Variants in RBBP6 observed in about 807,000 individuals in gnomAD.
RBBP6 encodes the protein E3 ubiquitin-protein ligase RBBP6.
In RBBP6, 25 loss-of-function variants were observed where a neutral mutation model predicts 167.7. The observed-to-expected ratio is 0.15, with a 90% CI of 0.11 to 0.21. The LOEUF is 0.21. Ranked by LOEUF, RBBP6 falls within the 10% of genes least tolerant of loss-of-function variation. The pLI, the probability that RBBP6 is intolerant of heterozygous loss-of-function variation, is 1.00. For synonymous variants in RBBP6, 789 were observed against 735.8 expected (o/e 1.07, Z -1.17); for missense variants, 1,868 against 2,134.2 (o/e 0.88, Z 2.46).
Position 24,568,913 on chromosome 16 carries a change from C to T in RBBP6, c.2223C>T (p.Ser741=), listed in dbSNP as rs1194756568. 1.9e-6 allele frequency: 3 copies of T among 1,614,230 alleles called. No homozygotes were observed. The highest frequency in any genetic ancestry group is 2.5e-6 in the Non-Finnish European group (3 of 1,180,044). ...ACCCCAGAAGAGGCAGAGGCAAGAG[C>T]CGCAATTACCGTTCACGGTCTAGAT... is the stretch of plus-strand genomic sequence containing the variant. ...PPYPRRGRGK[S]RNYRSRSRSH... is the part of the protein sequence containing the mutation. The change falls in exon 17 of 18, where the codon AGC becomes AGT. Residue 741 remains serine (S), a synonymous_variant. Coordinates refer to ENST00000319715, the MANE Select transcript of RBBP6 (RefSeq NM_006910.5).
rs767150389 is a variant in RBBP6, at chr16:24,569,465, A to G, written c.2775A>G (p.Pro925=). The change falls in exon 17 of 18, where the codon CCA becomes CCG. Residue 925 remains proline (P), a synonymous_variant. Transcript: ENST00000319715. ...AAGAGAAGGAGAGTGAAAACGCTCC[A>G]GGAGATGGTAAAGGAAATAAGCATA... ...KSKEKESENA[P]GDGKGNKHKK... is the part of the protein sequence containing the mutation. 3.1e-6 allele frequency: 5 copies of G among 1,612,000 alleles called. No individual in the cohort carries two copies. Among genetic ancestry groups the G allele is most frequent in the Non-Finnish European group, 3.4e-6 (4 of 1,179,536 alleles).
Position 24,569,244 on chromosome 16 carries a change from A to G in RBBP6, c.2554A>G (p.Arg852Gly), listed in dbSNP as rs1172938499. ...YKGYAAGAQP[R>G]PSANRENFSP... ...AGGTTATGCTGCTGGAGCACAGCCT[A>G]GACCCTCAGCAAATAGAGAGAACTT... The change falls in exon 17 of 18, where the codon AGA becomes GGA. Residue 852 changes from arginine to glycine, a missense_variant. This residue lies in a region of RBBP6 where 673 missense variants were observed against 691.5 expected (regional missense o/e 0.97). Coordinates refer to ENST00000319715, the MANE Select transcript of RBBP6 (RefSeq NM_006910.5). 1 of 1,613,444 alleles carries G rather than the reference A, an allele frequency of 6.2e-7. No homozygotes were observed. Among genetic ancestry groups the G allele is most frequent in the Admixed American group, 1.7e-5 (1 of 59,814 alleles).
At chr16:24,548,536 C>T (rs544885491) in intron 2 of RBBP6, among the ~76,000 whole-genome samples, 1 of 152,222 alleles carries the variant, frequency 6.6e-6, no homozygotes, top group African/African-American at 2.4e-5. Flanking sequence ...ATTCAAATTA[C>T]AAATGTTAAC....
Position 24,571,735 on chromosome 16 carries a change from G to C in RBBP6, c.4669G>C (p.Glu1557Gln), listed in dbSNP as rs778833709. 6.2e-7 allele frequency: 1 copy of C among 1,614,064 alleles called. No individual in the cohort carries two copies. The highest frequency in any genetic ancestry group is 2.2e-5 in the East Asian group (1 of 44,866). ...ATYDTKRPNE[E>Q]TKSVDKNPCK... ...TTATGATACTAAACGGCCAAATGAA[G>C]AGACAAAATCTGTAGATAAAAATCC... is the stretch of plus-strand genomic sequence containing the variant. Residue 1557 changes from glutamate (E) to glutamine (Q), a missense_variant, in exon 18 of 18, where the codon GAG (glutamate) becomes CAG (glutamine). Transcript: ENST00000319715.
At chr16:24,554,728 T>G (rs778915810) in intron 4 of RBBP6, 1 of 151,816 alleles carries the variant, frequency 6.6e-6, no homozygotes, top group Non-Finnish European at 1.5e-5. Flanking sequence ...TACCATTGTT[T>G]CTTTGTGGGG....
rs369092738 is a variant in RBBP6, at chr16:24,571,568, C to A, written c.4502C>A (p.Pro1501His). Reference protein sequence around the residue: ...KNELTRRKDSPSRNKDSASGQ... With the variant: ...KNELTRRKDSHSRNKDSASGQ... ...GAATTAACAAGACGAAAAGACTCTC[C>A]TTCTCGGAATAAAGATTCTGCATCT... is the stretch of plus-strand genomic sequence containing the variant. Residue 1501 changes from proline (P) to histidine (H), a missense_variant, in exon 18 of 18, where the codon CCT (proline) becomes CAT (histidine). Physicochemically the swap from Pro to His is moderately conservative, Grantham distance 77. Coordinates refer to ENST00000319715, the MANE Select transcript of RBBP6 (RefSeq NM_006910.5). 1 of 1,612,726 alleles carries A rather than the reference C, an allele frequency of 6.2e-7. No homozygotes were observed. The highest frequency in any genetic ancestry group is 1.1e-5 in the South Asian group (1 of 90,620).
At chr16:24,558,033 T>G (rs978809956) in intron 7 of RBBP6, among the ~76,000 whole-genome samples, 1 of 152,256 alleles carries the variant, frequency 6.6e-6, no homozygotes, top group African/African-American at 2.4e-5. Flanking sequence ...ATGCTGTTTC[T>G]AATTCAGAGA....
At chr16:24,557,150 CACCA>C (rs1898931594) in intron 7 of RBBP6, among the ~76,000 whole-genome samples, 1 of 152,062 alleles carries the variant, frequency 6.6e-6, no homozygotes, top group South Asian at 2.1e-4. Context: ...AGGCGCCCGC[CACCA>C]CGCCCGGCTA....
chr16:24,545,503 A>C (rs974329079), intron 1 of RBBP6, among the ~76,000 whole-genome samples: 3 of 151,966 alleles, frequency 2.0e-5, no homozygotes, highest in Non-Finnish European at 4.4e-5. Context: ...CTTTTCTTTT[A>C]TTTTCTTAGG....
In RBBP6 at chr16:24,571,614, G is replaced by A. The variant is rs374631830; in HGVS notation, c.4548G>A (p.Arg1516=). The part of the protein sequence containing the change: ...DSASGQKNKP[R]EERDLPKKGT... ...CATCTGGACAGAAAAATAAACCAAG[G>A]GAAGAGAGAGATTTGCCTAAAAAAG... Residue 1516 remains arginine, a synonymous_variant, in exon 18 of 18, where the codon AGG becomes AGA. Transcript: ENST00000319715. 25 of 1,611,196 alleles carry A rather than the reference G, an allele frequency of 1.6e-5. No homozygotes were observed. Among genetic ancestry groups the A allele is most frequent in the Non-Finnish European group, 2.0e-5 (24 of 1,179,400 alleles).
At chr16:24,565,157 G>A (rs920722448) in intron 14 of RBBP6, among the ~76,000 whole-genome samples, 1 of 152,160 alleles carries the variant, frequency 6.6e-6, no homozygotes, top group Admixed American at 6.5e-5. Flanking sequence ...CTTGGAAGTA[G>A]AAGAAAGTCA....
intron 8 of RBBP6, among the ~76,000 whole-genome samples, chr16:24,560,460 C>G (rs1055810611): frequency 2.0e-5 from 3 of 152,160 alleles, no homozygotes; most frequent in African/African-American, 7.2e-5. Context: ...CTTTTTAAAT[C>G]ACTTATATTA....
At chr16:24,564,938 C>A in intron 14 of RBBP6, 73 bp downstream of exon 14, 1 of 1,529,536 alleles carries the variant, frequency 6.5e-7, no homozygotes. Flanking sequence ...GAAATTAAAG[C>A]ACAGCAGTGG....
At chr16:24,562,389 ACC>A in intron 10 of RBBP6, among the ~76,000 whole-genome samples, 1 of 152,184 alleles carries the variant, frequency 6.6e-6, no homozygotes, top group African/African-American at 2.4e-5. Context: ...CAGGTTGCCA[ACC>A]AGCCCCTATT....
chr16:24,557,774 C>T (rs942291715), intron 7 of RBBP6, among the ~76,000 whole-genome samples: 1 of 152,092 alleles, frequency 6.6e-6, no homozygotes, highest in Non-Finnish European at 1.5e-5. Flanking sequence ...CAGCTTCATG[C>T]TATAAATATT....
chr16:24,554,828 T>G (rs1012287264), intron 4 of RBBP6: 1 of 151,476 alleles, frequency 6.6e-6, no homozygotes, highest in Non-Finnish European at 1.5e-5. Context: ...TTCAAACAAA[T>G]TAGTTGTTAA....
intron 8 of RBBP6, 71 bp downstream of exon 8, chr16:24,559,748 A>G: frequency 7.8e-7 from 1 of 1,287,668 alleles, no homozygotes; most frequent in Non-Finnish European, 1.0e-6. Flanking sequence ...GCTCTTCCCA[A>G]CCTCATATGT....
intron 10 of RBBP6, among the ~76,000 whole-genome samples, chr16:24,562,491 G>T (rs1329217158): frequency 2.6e-5 from 4 of 152,158 alleles, no homozygotes; most frequent in African/African-American, 9.7e-5. Context: ...TTTTGGATAG[G>T]AGTAGTTTTG....
intron 15 of RBBP6, 93 bp downstream of exon 15, chr16:24,567,598 G>A: frequency 7.1e-7 from 1 of 1,417,942 alleles, no homozygotes; most frequent in Non-Finnish European, 9.5e-7. Context: ...AGTGTTTCCA[G>A]TTAGTATGAG....
Sources: allele counts gnomAD v4.1 joint callset (sites outside exome capture counted in the v4.1 genomes callset), GRCh38; gene constraint gnomAD v4.1.1; regional missense constraint gnomAD v4.1.1; transcripts MANE v1.5; gene names NCBI Gene and HGNC (gene_info 2026-07-23, HGNC 2026-07-21).